Variants in AREL1 observed in about 807,000 individuals in gnomAD.
AREL1 encodes the protein apoptosis resistant E3 ubiquitin protein ligase 1, also known as apoptosis-resistant E3 ubiquitin protein ligase 1.
AREL1 carries 62 observed loss-of-function variants against 99.0 expected under a neutral mutation model. The observed-to-expected ratio is 0.63, with a 90% CI of 0.51 to 0.77. The LOEUF (loss-of-function observed/expected upper bound fraction) is 0.77. Ranked by LOEUF, AREL1 falls within the 30% of genes least tolerant of loss-of-function variation. AREL1 has a pLI of 0.00. For missense variants in AREL1, 879 were observed against 1,027.6 expected, an observed-to-expected ratio of 0.86 and a Z score of 1.98; for synonymous variants, 380 against 376.5, an observed-to-expected ratio of 1.01 and a Z score of -0.11.
At chr14:74,707,959 GAAAA>G (rs1186322099) in intron 1 of AREL1, among the ~76,000 whole-genome samples, 2 of 57,644 alleles carry the variant, frequency 3.5e-5, no homozygotes, top group Non-Finnish European at 3.5e-5. Flanking sequence ...CTTCGCCTCA[GAAAA>G]AAAAAAAAAA....
intron 6 of AREL1, 125 bp from the exon 7 acceptor site, chr14:74,676,446 G>C: frequency 7.1e-7 from 1 of 1,409,716 alleles, no homozygotes. Context: ...TAATGAGACA[G>C]GTATTGTCAG....
chr14:74,666,833 C>T (rs2089220713), intron 17 of AREL1, among the ~76,000 whole-genome samples: 1 of 151,528 alleles, frequency 6.6e-6, no homozygotes, highest in Non-Finnish European at 1.5e-5. Flanking sequence ...AATTCTCATG[C>T]CTCAGCTTCC....
At chr14:74,689,789 T>C (rs2089834904) in intron 2 of AREL1, among the ~76,000 whole-genome samples, 1 of 151,446 alleles carries the variant, frequency 6.6e-6, no homozygotes, top group Non-Finnish European at 1.5e-5. Flanking sequence ...AGAGACGGGG[T>C]TTCTCCATGT....
At chr14:74,702,231 TTGC>T (rs2090099205) in intron 1 of AREL1, among the ~76,000 whole-genome samples, 1 of 152,142 alleles carries the variant, frequency 6.6e-6, no homozygotes, top group African/African-American at 2.4e-5. Flanking sequence ...CCCCCCAACA[TTGC>T]CCTAGCAGAG....
intron 11 of AREL1, chr14:74,672,076 G>A: frequency 2.3e-6 from 1 of 427,562 alleles, no homozygotes; most frequent in Non-Finnish European, 4.8e-6. Flanking sequence ...ACACACATCA[G>A]GTGTTCCTTT....
chr14:74,666,006 T>C (rs888170816), intron 17 of AREL1, among the ~76,000 whole-genome samples: 1 of 152,214 alleles, frequency 6.6e-6, no homozygotes, highest in Non-Finnish European at 1.5e-5. Flanking sequence ...TAGTTATTCC[T>C]CAGCCCAAAA....
rs775375955 is a variant in AREL1, at chr14:74,670,042, CAT to C, written c.1691_1692del (p.Tyr564Ter). ...TTGTAGGCTCCTCCTAGAGAGGACTCATAGAGACACTTGCCCACGAGCCGTCC... is the reference window on the plus strand; with the variant it reads ...TTGTAGGCTCCTCCTAGAGAGGACTCAGAGACACTTGCCCACGAGCCGTCC... ...FAGRLVGKCL[Y>X]ESSLGGAYKQ... is the part of the protein sequence containing the mutation. On this transcript the variant is annotated frameshift_variant, in exon 14 of 20. Transcript: ENST00000356357. LOFTEE classifies it high-confidence loss of function. 12 of 1,614,002 alleles carry C rather than the reference CAT, an allele frequency of 7.4e-6. No homozygotes were observed. The highest frequency in any genetic ancestry group is 4.2e-6 in the Non-Finnish European group (5 of 1,180,006).
intron 1 of AREL1, among the ~76,000 whole-genome samples, chr14:74,710,433 G>C (rs1483245692): frequency 6.6e-6 from 1 of 152,062 alleles, no homozygotes; most frequent in East Asian, 1.9e-4. Context: ...TTTTCTGTCA[G>C]TGCCTAAATT....
intron 11 of AREL1, 128 bp downstream of exon 11, chr14:74,672,703 C>T (rs2089377261): frequency 1.5e-6 from 2 of 1,342,192 alleles, no homozygotes; most frequent in South Asian, 1.4e-5. Context: ...CCTCTGCACC[C>T]CAGCCTGGGC....
chr14:74,677,957 C>A (rs1170696928), intron 5 of AREL1, among the ~76,000 whole-genome samples: 4 of 151,724 alleles, frequency 2.6e-5, no homozygotes, highest in African/African-American at 4.8e-5. Flanking sequence ...AAAAAACCAA[C>A]AAACAACTAA....
chr14:74,678,152 A>C, intron 5 of AREL1: 1 of 450,110 alleles, frequency 2.2e-6, no homozygotes, highest in East Asian at 7.0e-5. Flanking sequence ...AATTTTGAAA[A>C]AGAAGAATAA....
Position 74,692,243 on chromosome 14 carries a change from T to C in AREL1, c.-248A>G, listed in dbSNP as rs1178897174. On this transcript the variant is annotated 5_prime_UTR_variant, in exon 2 of 20. Transcript: ENST00000356357. ...GGGATGAACTGGATGAACTCCAGGG[T>C]AGAGAAATACAGCCCAAGAATATAT... 2.2e-6 allele frequency: 1 copy of C among 456,618 alleles called. No individual in the cohort carries two copies. The highest frequency in any genetic ancestry group is 4.4e-6 in the Non-Finnish European group (1 of 226,952). 28.3% of individuals were successfully genotyped at this position (456,618 alleles called of 1,614,324 possible).
At position 74,672,953 on chromosome 14, in the gene AREL1, C is replaced by A; in HGVS notation, c.1301-1G>T. On this transcript the variant is annotated splice_acceptor_variant, in intron 10 of 19. Coordinates refer to ENST00000356357, the MANE Select transcript of AREL1 (RefSeq NM_001039479.2). LOFTEE classifies it high-confidence loss of function. Reference sequence around the variant, plus strand: ...TTGTCCTGAAAGGTCTCAGAGCCTCCTGGGGAACAGCAAGATCCATCATTA... The same window carrying A: ...TTGTCCTGAAAGGTCTCAGAGCCTCATGGGGAACAGCAAGATCCATCATTA... 1 of 1,614,146 alleles carries A rather than the reference C, an allele frequency of 6.2e-7. No homozygotes were observed. Among genetic ancestry groups the A allele is most frequent in the Non-Finnish European group, 8.5e-7 (1 of 1,180,006 alleles).
At chr14:74,673,419 C>A (rs963224525) in intron 9 of AREL1, among the ~76,000 whole-genome samples, 1 of 152,176 alleles carries the variant, frequency 6.6e-6, no homozygotes, top group Non-Finnish European at 1.5e-5. Flanking sequence ...GTCACAGAGA[C>A]TGCCTTTAGT....
At position 74,664,816 on chromosome 14, in the gene AREL1, A is replaced by G; in HGVS notation, c.2193+20T>C. On this transcript the variant is annotated intron_variant, in intron 18 of 19. Transcript: ENST00000356357. ...TATAACATGGCACAAATCCAACTGAAAGAAGTTTGGTCCATTTACCTTTTC... is the reference window on the plus strand; with the variant it reads ...TATAACATGGCACAAATCCAACTGAGAGAAGTTTGGTCCATTTACCTTTTC... 6.2e-7 allele frequency: 1 copy of G among 1,607,854 alleles called. No individual in the cohort carries two copies. The highest frequency in any genetic ancestry group is 8.5e-7 in the Non-Finnish European group (1 of 1,175,634).
intron 3 of AREL1, 129 bp downstream of exon 3, chr14:74,685,471 G>T: frequency 9.4e-7 from 1 of 1,061,928 alleles, no homozygotes; most frequent in Non-Finnish European, 1.4e-6. Context: ...ACTCTGTGAA[G>T]GTACATTCTG....
At chr14:74,703,695 A>C (rs565668534) in intron 1 of AREL1, among the ~76,000 whole-genome samples, 8 of 152,234 alleles carry the variant, frequency 5.3e-5, no homozygotes, top group Admixed American at 2.0e-4. Context: ...GCAGAGTAGT[A>C]CTCCATTAAA....
chr14:74,676,705 G>A lies in AREL1; in HGVS notation c.529C>T (p.Leu177Phe). The A allele has an allele frequency of 6.2e-7, 1 of 1,612,884 alleles. No homozygotes were observed. The highest frequency in any genetic ancestry group is 8.5e-7 in the Non-Finnish European group (1 of 1,179,380). ...KTKIVCHFSTLVLTCGQPHTL... is the reference protein window; with the variant it reads ...KTKIVCHFSTFVLTCGQPHTL... ...TGCGGCTGCCCACAGGTCAATACAA[G>A]AGTAGAAAAGTGGCACACAATTTTG... Residue 177 changes from leucine (L) to phenylalanine (F), a missense_variant, in exon 6 of 20, where the codon CTT (leucine) becomes TTT (phenylalanine). By Grantham distance (22) the Leu-to-Phe change is conservative. Coordinates refer to ENST00000356357, the MANE Select transcript of AREL1 (RefSeq NM_001039479.2).
chr14:74,672,493 T>C (rs1353766308), intron 11 of AREL1, among the ~76,000 whole-genome samples: 2 of 152,154 alleles, frequency 1.3e-5, no homozygotes, highest in Admixed American at 6.5e-5. Flanking sequence ...TCCCAACACT[T>C]TGGGAGGCTG....
Sources: allele counts gnomAD v4.1 joint callset (sites outside exome capture counted in the v4.1 genomes callset), GRCh38; gene constraint gnomAD v4.1.1; transcripts MANE v1.5; gene names NCBI Gene and HGNC (gene_info 2026-07-23, HGNC 2026-07-21).